Variants in CSDE1 observed in about 807,000 individuals in gnomAD.
CSDE1 encodes cold shock domain-containing protein E1.
In CSDE1, 17 loss-of-function variants were observed where a neutral mutation model predicts 89.3. The observed-to-expected ratio is 0.19, with a 90% confidence interval of 0.13 to 0.29. The LOEUF is 0.29. CSDE1 is among the 10% of genes least tolerant of loss of function. The pLI is 1.00. For synonymous variants in CSDE1, 322 were observed against 332.8 expected (o/e 0.97, Z 0.35); for missense variants, 672 against 984.2 (o/e 0.68, Z 4.24).
intron 7 of CSDE1, 133 bp downstream of exon 7, chr1:114,734,309 T>G: frequency 9.5e-7 from 1 of 1,050,060 alleles, no homozygotes; most frequent in Non-Finnish European, 1.4e-6. Flanking sequence ...TTTAAGAGAC[T>G]ACTTTTGAGG....
At chr1:114,724,392 T>C in intron 15 of CSDE1, 1 of 175,912 alleles carries the variant, frequency 5.7e-6, no homozygotes, top group Non-Finnish European at 1.2e-5. Flanking sequence ...ATTACATGTA[T>C]TGTTGTCTTT....
chr1:114,718,526 A>C lies in CSDE1; in HGVS notation c.2349+87T>G. 3 of 1,513,612 alleles carry C rather than the reference A, an allele frequency of 2.0e-6. No homozygotes were observed. In the South Asian group the frequency reaches 3.9e-5, roughly 19 times the overall value. The allele number at this position is 1,513,612 out of a possible 1,614,324, so 93.8% of individuals were successfully genotyped here. A position where few individuals can be genotyped will look rare whatever the true frequency, so the allele number is the denominator to read the frequency against. On this transcript the variant is annotated intron_variant, in intron 19 of 19. Coordinates refer to ENST00000358528, the MANE Select transcript of CSDE1 (RefSeq NM_001007553.3). The stretch of plus-strand genomic sequence containing the variant: ...ATATGGAAGTCTCCCTGCTTCATTA[A>C]GTTTCCTGACCTATTGTTTAAATAG...
chr1:114,729,978 C>T (rs1660013725), intron 12 of CSDE1, among the ~76,000 whole-genome samples: 1 of 152,094 alleles, frequency 6.6e-6, no homozygotes. Flanking sequence ...TTGGCTGTCA[C>T]AATGGGAGGC....
chr1:114,724,212 T>G, intron 15 of CSDE1: 1 of 359,400 alleles, frequency 2.8e-6, no homozygotes, highest in Non-Finnish European at 5.0e-6. Flanking sequence ...CTGCTTTTCC[T>G]AAATAGAATT....
At position 114,739,845 on chromosome 1, in the gene CSDE1, A is replaced by G. The variant is rs1463170818; in HGVS notation, c.46T>C (p.Tyr16His). 2 of 1,614,018 alleles carry G rather than the reference A, an allele frequency of 1.2e-6. No homozygotes were observed. Among genetic ancestry groups the G allele is most frequent in the Non-Finnish European group, 1.7e-6 (2 of 1,180,002 alleles). ...NLLHNNGHNG[Y>H]PNGTSAALRE... Reference sequence around the variant, plus strand: ...AGTGCTGCTGAAGTACCATTAGGGTACCCATTATGTCCATTGTTGTGGAGA... The same window carrying G: ...AGTGCTGCTGAAGTACCATTAGGGTGCCCATTATGTCCATTGTTGTGGAGA... Residue 16 changes from tyrosine to histidine, a missense_variant, in exon 3 of 20, where the codon TAC (tyrosine) becomes CAC (histidine). Tyr to His is a moderately conservative substitution (Grantham distance 83). Coordinates refer to ENST00000358528, the MANE Select transcript of CSDE1 (RefSeq NM_001007553.3).
chr1:114,744,754 C>T (rs1451748101), intron 2 of CSDE1, among the ~76,000 whole-genome samples: 2 of 136,732 alleles, frequency 1.5e-5, no homozygotes, highest in Non-Finnish European at 1.6e-5. Flanking sequence ...AGCTTTTATA[C>T]TCAAACCTGG....
Position 114,753,278 on chromosome 1 carries a change from G to C in CSDE1, c.-387-3071C>G, listed in dbSNP as rs1392201739. On this transcript the variant is annotated intron_variant, in intron 1 of 19. Coordinates refer to ENST00000358528, the MANE Select transcript of CSDE1 (RefSeq NM_001007553.3). ...CAAGATTCAGTAACACAAAAAAAGAGATTTCTGGAACTGAAACTCTGGAGT... is the reference window on the plus strand; with the variant it reads ...CAAGATTCAGTAACACAAAAAAAGACATTTCTGGAACTGAAACTCTGGAGT... 2.0e-5 allele frequency among the ~76,000 whole-genome samples: 3 copies of C among 151,274 alleles called. 1 individual carries two copies. The East Asian group carries it at 5.8e-4, about 29-fold the overall frequency.
intron 10 of CSDE1, among the ~76,000 whole-genome samples, chr1:114,731,104 TTC>T (rs1660073725): frequency 1.3e-5 from 2 of 151,626 alleles, no homozygotes; most frequent in Non-Finnish European, 2.9e-5. Context: ...ATGCAATCTT[TTC>T]TCTTTTTTTT....
Position 114,720,564 on chromosome 1 carries a change from G to C in CSDE1, c.2027C>G (p.Ala676Gly). ...CTGATCTTTCACACATTCCACTGTG[G>C]CCCTGCGCAGGGGTGTGATGTTGTA... ...MAYNITPLRRATVECVKDQFG... is the reference protein window; with the variant it reads ...MAYNITPLRRGTVECVKDQFG... The change falls in exon 17 of 20, where the codon GCC (alanine) becomes GGC (glycine). Residue 676 changes from alanine to glycine, a missense_variant. Coordinates refer to ENST00000358528, the MANE Select transcript of CSDE1 (RefSeq NM_001007553.3). 1 of 1,613,166 alleles carries C rather than the reference G, an allele frequency of 6.2e-7. No individual in the cohort carries two copies. The highest frequency in any genetic ancestry group is 8.5e-7 in the Non-Finnish European group (1 of 1,179,456).
intron 3 of CSDE1, among the ~76,000 whole-genome samples, chr1:114,738,905 T>C (rs1660562492): frequency 6.6e-6 from 1 of 152,112 alleles, no homozygotes; most frequent in Non-Finnish European, 1.5e-5. Context: ...CTTGAATTCC[T>C]GAGCTCAAGC....
intron 3 of CSDE1, among the ~76,000 whole-genome samples, chr1:114,739,056 G>GTTTTTTT (rs1388343198): frequency 6.6e-6 from 1 of 150,754 alleles, no homozygotes; most frequent in Non-Finnish European, 1.5e-5. Context: ...TTTTGAGACG[G>GTTTTTTT]GGTCTCGCTC....
At position 114,718,856 on chromosome 1, in the gene CSDE1, T is replaced by C. The variant is rs1333341921; in HGVS notation, c.2217-111A>G. On this transcript the variant is annotated intron_variant, in intron 18 of 19. Coordinates refer to ENST00000358528, the MANE Select transcript of CSDE1 (RefSeq NM_001007553.3). Reference sequence around the variant, plus strand: ...TGCCCAAATGACTCACTTTTTATGATGGGACTCTTGCCTCATATACCTAGC... The same window carrying C: ...TGCCCAAATGACTCACTTTTTATGACGGGACTCTTGCCTCATATACCTAGC... 3.4e-6 allele frequency: 4 copies of C among 1,183,048 alleles called. No individual in the cohort carries two copies. In the South Asian group the frequency reaches 5.9e-5, roughly 18 times the overall value. 73.3% of individuals were successfully genotyped at this position (1,183,048 alleles called of 1,614,324 possible). A position where few individuals can be genotyped will look rare whatever the true frequency, so the allele number is the denominator to read the frequency against.
At chr1:114,728,943 G>A (rs1342000858) in intron 12 of CSDE1, among the ~76,000 whole-genome samples, 2 of 152,046 alleles carry the variant, frequency 1.3e-5, no homozygotes, top group Non-Finnish European at 2.9e-5. Flanking sequence ...CTAGTTCAAG[G>A]ACTACCTTAA....
intron 1 of CSDE1, among the ~76,000 whole-genome samples, chr1:114,755,135 T>C (rs377364603): frequency 4.6e-5 from 7 of 152,212 alleles, no homozygotes; most frequent in African/African-American, 1.4e-4. Context: ...AATCCAATGT[T>C]ATTATACAAT....
chr1:114,725,767 G>A (rs1659757152), intron 14 of CSDE1, among the ~76,000 whole-genome samples: 1 of 152,122 alleles, frequency 6.6e-6, no homozygotes, highest in Non-Finnish European at 1.5e-5. Context: ...TCCTGAGTTG[G>A]TGAGACTACA....
intron 2 of CSDE1, chr1:114,741,449 A>C: frequency 7.5e-7 from 1 of 1,327,472 alleles, no homozygotes; most frequent in African/African-American, 1.5e-5. Flanking sequence ...AGATATTTCA[A>C]CCAGAATGAG....
At chr1:114,740,048 T>C in intron 2 of CSDE1, 158 bp from the exon 3 acceptor site, 1 of 564,038 alleles carries the variant, frequency 1.8e-6, no homozygotes, top group Non-Finnish European at 3.1e-6. Flanking sequence ...TTAATTTAGC[T>C]AATAAAACAT....
rs1660929406 is a variant in CSDE1 at position 114,744,811 on chromosome 1, T to C, written c.1-4921A>G. Reference sequence around the variant, plus strand: ...GAGTAGATAGGGCAAATCAGTACAATTAAATTACCAGAATATAAGCTTCTT... The same window carrying C: ...GAGTAGATAGGGCAAATCAGTACAACTAAATTACCAGAATATAAGCTTCTT... On this transcript the variant is annotated intron_variant, in intron 2 of 19. Coordinates refer to ENST00000358528, the MANE Select transcript of CSDE1 (RefSeq NM_001007553.3). Among the ~76,000 whole-genome samples the C allele has an allele frequency of 2.0e-5, 3 of 152,074 alleles. No homozygotes were observed. The South Asian group carries it at 6.2e-4, about 32-fold the overall frequency.
chr1:114,718,327 T>C (rs1659313443), intron 19 of CSDE1, 111 bp from the exon 20 acceptor site: 2 of 1,281,710 alleles, frequency 1.6e-6, no homozygotes, highest in South Asian at 2.6e-5. Flanking sequence ...TTTAATCATC[T>C]TATGCAGTAC....
Sources: gnomAD v4.1 joint callset for allele counts (sites outside exome capture counted in the v4.1 genomes callset) on GRCh38, gnomAD v4.1.1 for gene constraint, MANE v1.5 for transcripts, NCBI Gene and HGNC (gene_info 2026-07-23, HGNC 2026-07-21) for gene names.